Variants in MSRA observed in about 807,000 individuals in gnomAD.
MSRA encodes methionine sulfoxide reductase A.
In MSRA, 54 loss-of-function variants were observed where a neutral mutation model predicts 31.3. That is an observed-to-expected ratio of 1.73 (90% CI 1.39 to 2.17). The LOEUF (loss-of-function observed/expected upper bound fraction) is 2.17. Among genes scored for constraint, MSRA ranks in the 30% most tolerant of loss-of-function variants. The probability of loss-of-function intolerance (pLI) is 0.00; values close to 1 mark genes in which losing one functional copy is unlikely to be tolerated. For synonymous variants in MSRA, 169 were observed against 116.5 expected (o/e 1.45, Z -2.90); for missense variants, 507 against 300.9 (o/e 1.69, Z -5.07).
At chr8:10,388,877 G>A (rs955298979) in intron 5 of MSRA, among the ~76,000 whole-genome samples, 1 of 151,490 alleles carries the variant, frequency 6.6e-6, no homozygotes, top group Non-Finnish European at 1.5e-5. Context: ...CCCTGCCACT[G>A]CTACCCTGGT....
chr8:10,289,592 A>T (rs1320999690), intron 3 of MSRA, among the ~76,000 whole-genome samples: 1 of 152,208 alleles, frequency 6.6e-6, no homozygotes, highest in East Asian at 1.9e-4. Context: ...TTGTGCTATC[A>T]AATGGTATGG....
Position 10,428,565 on chromosome 8 carries a change from T to C in MSRA, c.*253T>C. ...GTGTCTTCTGGGGTCTGAGTGAAGA[T>C]AGCAGGGATGCTGTGTTCACCCTTC... On this transcript the variant is annotated 3_prime_UTR_variant, in exon 6 of 6. Transcript: ENST00000317173. 2.3e-6 allele frequency: 1 copy of C among 440,808 alleles called. No homozygotes were observed. Among genetic ancestry groups the C allele is most frequent in the Non-Finnish European group, 4.1e-6 (1 of 245,148 alleles). 27.3% of individuals were successfully genotyped at this position (440,808 alleles called of 1,614,324 possible).
chr8:10,137,006 C>G (rs987842052), intron 1 of MSRA, among the ~76,000 whole-genome samples: 17 of 152,170 alleles, frequency 1.1e-4, no homozygotes, highest in African/African-American at 3.9e-4. Context: ...ATAGATAGAT[C>G]AAATATATAT....
rs1455388392 is a variant in MSRA, at chr8:10,145,380, G to T, written c.143-62453G>T. 9.2e-5 allele frequency among the ~76,000 whole-genome samples: 14 copies of T among 152,344 alleles called. No homozygotes were observed. In the South Asian group the frequency reaches 2.9e-3, roughly 32 times the overall value. The stretch of plus-strand genomic sequence containing the variant: ...GGCTCTTTGTGAAATGACCGTATAT[G>T]ATTTTCAAGTGTGTTTAATCCATGT... On this transcript the variant is annotated intron_variant, in intron 1 of 5. Coordinates refer to ENST00000317173, the MANE Select transcript of MSRA (RefSeq NM_012331.5).
At chr8:10,298,157 G>T (rs1800644772) in intron 3 of MSRA, among the ~76,000 whole-genome samples, 1 of 152,202 alleles carries the variant, frequency 6.6e-6, no homozygotes, top group Admixed American at 6.5e-5. Context: ...CAAAATAGTT[G>T]TGAGCAATGT....
chr8:10,080,643 A>C (rs1798244954), intron 1 of MSRA, among the ~76,000 whole-genome samples: 1 of 151,850 alleles, frequency 6.6e-6, no homozygotes, highest in Admixed American at 6.6e-5. Flanking sequence ...CTCCCAACTC[A>C]GCCTCCTTAG....
chr8:10,242,041 G>A (rs1252988471), intron 2 of MSRA, among the ~76,000 whole-genome samples: 2 of 152,194 alleles, frequency 1.3e-5, no homozygotes, highest in African/African-American at 2.4e-5. Context: ...GGAGGCGGAG[G>A]GGGGCAGATC....
At chr8:10,312,796 T>C (rs1261747263) in intron 4 of MSRA, among the ~76,000 whole-genome samples, 7 of 152,366 alleles carry the variant, frequency 4.6e-5, no homozygotes, top group African/African-American at 1.7e-4. Flanking sequence ...TTTAAAAACA[T>C]GTATGATTAT....
At chr8:10,176,912 A>G (rs559346886) in intron 1 of MSRA, among the ~76,000 whole-genome samples, 2 of 152,172 alleles carry the variant, frequency 1.3e-5, no homozygotes, top group African/African-American at 4.8e-5. Context: ...AAATGGCCCT[A>G]AATAATTTAG....
At position 10,278,403 on chromosome 8, in the gene MSRA, G is replaced by T. The variant is rs547611216; in HGVS notation, c.332-23131G>T. 7.2e-5 allele frequency among the ~76,000 whole-genome samples: 11 copies of T among 152,354 alleles called. No individual in the cohort carries two copies. In the South Asian group the frequency reaches 8.3e-4, roughly 11 times the overall value. On this transcript the variant is annotated intron_variant, in intron 3 of 5. Transcript: ENST00000317173. ...TCGCACATGCACAGGTTGACTTCTT[G>T]TTCATGTAACAACCAAAAACACACT...
At chr8:10,079,638 C>T (rs565252246) in intron 1 of MSRA, among the ~76,000 whole-genome samples, 13 of 152,130 alleles carry the variant, frequency 8.5e-5, no homozygotes, top group Admixed American at 2.0e-4. Context: ...TGTCCCTCCC[C>T]GCACAACATA....
chr8:10,149,539 T>C (rs1402035813), intron 1 of MSRA, among the ~76,000 whole-genome samples: 1 of 152,116 alleles, frequency 6.6e-6, no homozygotes, highest in Non-Finnish European at 1.5e-5. Context: ...CGCCACCTCG[T>C]GATACTTGCC....
At chr8:10,388,285 A>T (rs1056163972) in intron 5 of MSRA, among the ~76,000 whole-genome samples, 4 of 152,186 alleles carry the variant, frequency 2.6e-5, no homozygotes, top group Non-Finnish European at 5.9e-5. Flanking sequence ...TGCAGACTTG[A>T]GGCTGTGCCT....
intron 4 of MSRA, among the ~76,000 whole-genome samples, chr8:10,314,159 A>G (rs1025278732): frequency 1.3e-5 from 2 of 152,216 alleles, no homozygotes; most frequent in Non-Finnish European, 2.9e-5. Flanking sequence ...AACTATATCA[A>G]AATCTGACAA....
chr8:10,418,975 A>C (rs959900586), intron 5 of MSRA, among the ~76,000 whole-genome samples: 1 of 151,956 alleles, frequency 6.6e-6, no homozygotes, highest in Non-Finnish European at 1.5e-5. Context: ...AAAACAAAAC[A>C]AAAATATGTC....
Position 10,054,561 on chromosome 8 carries a change from C to G in MSRA, c.45C>G (p.His15Gln), listed in dbSNP as rs1458245332. 1 of 1,587,510 alleles carries G rather than the reference C, an allele frequency of 6.3e-7. No individual in the cohort carries two copies. The highest frequency in any genetic ancestry group is 8.6e-7 in the Non-Finnish European group (1 of 1,167,290). Residue 15 changes from histidine (H) to glutamine (Q), a missense_variant, in exon 1 of 6, where the codon CAC becomes CAG. By Grantham distance (24) the His-to-Gln change is conservative. Coordinates refer to ENST00000317173, the MANE Select transcript of MSRA (RefSeq NM_012331.5). ...GGGCTTGCCAGCTCCTCCTCCTCCA[C>G]AGCCTCTTTCCCGTCCCGAGGATGG... ...TRRACQLLLL[H>Q]SLFPVPRMGN...
intron 5 of MSRA, among the ~76,000 whole-genome samples, chr8:10,351,072 A>T (rs974351442): frequency 2.6e-5 from 4 of 152,178 alleles, no homozygotes; most frequent in Admixed American, 6.5e-5. Context: ...ATGCAGCAGA[A>T]TGCTGTGAGT....
intron 3 of MSRA, among the ~76,000 whole-genome samples, chr8:10,259,024 T>C (rs1048527146): frequency 1.3e-5 from 2 of 151,942 alleles, no homozygotes; most frequent in African/African-American, 2.4e-5. Context: ...GGAGAATCAC[T>C]TGAACCTGGA....
chr8:10,235,430 TAGAAA>T (rs1248868168), intron 2 of MSRA, among the ~76,000 whole-genome samples: 1 of 152,036 alleles, frequency 6.6e-6, no homozygotes, highest in Non-Finnish European at 1.5e-5. Flanking sequence ...AAACATGTAT[TAGAAA>T]AGAACACTTG....
Sources: allele counts gnomAD v4.1 joint callset (sites outside exome capture counted in the v4.1 genomes callset), GRCh38; gene constraint gnomAD v4.1.1; transcripts MANE v1.5; gene names NCBI Gene and HGNC (gene_info 2026-07-23, HGNC 2026-07-21).